STK32B: variants seen among roughly 807,000 people sequenced by gnomAD.
STK32B encodes the protein serine/threonine kinase 32B.
A neutral mutation model predicts 52.6 loss-of-function variants in STK32B; 43 were observed. That is an observed-to-expected ratio of 0.82 (90% CI 0.64 to 1.05). The LOEUF (loss-of-function observed/expected upper bound fraction) is 1.05, where lower values mean the gene tolerates loss of function less well. Among genes scored for constraint, STK32B ranks in the 50% least tolerant of loss-of-function variants. STK32B has a pLI of 0.00. For missense variants in STK32B, 621 were observed against 534.6 expected (o/e 1.16, Z -1.59); for synonymous variants, 238 against 204.3 (o/e 1.17, Z -1.41).
chr4:5,263,347 G>A (rs1726852651), intron 3 of STK32B, among the ~76,000 whole-genome samples: 1 of 151,350 alleles, frequency 6.6e-6, no homozygotes, highest in African/African-American at 2.4e-5. Context: ...CTGATGATAA[G>A]ATCACATTCT....
chr4:5,223,357 C>A (rs1464571834), intron 3 of STK32B, among the ~76,000 whole-genome samples: 1 of 152,142 alleles, frequency 6.6e-6, no homozygotes, highest in Non-Finnish European at 1.5e-5. Flanking sequence ...AGGCAGGTCT[C>A]CCCTGAAGCC....
At chr4:5,248,505 A>G (rs1055137106) in intron 3 of STK32B, among the ~76,000 whole-genome samples, 10 of 152,228 alleles carry the variant, frequency 6.6e-5, no homozygotes, top group African/African-American at 1.4e-4. Flanking sequence ...GTACTGGTCA[A>G]TTTAACTCCT....
At chr4:5,361,598 G>A (rs1469122847) in intron 4 of STK32B, among the ~76,000 whole-genome samples, 1 of 152,220 alleles carries the variant, frequency 6.6e-6, no homozygotes, top group African/African-American at 2.4e-5. Flanking sequence ...CTCCTGGGCT[G>A]AAGTGATCCT....
At chr4:5,046,361 TAACTC>T in the STK32B span, among the ~76,000 whole-genome samples, 1 of 152,038 alleles carries the variant, frequency 6.6e-6, no homozygotes. Context: ...ATACAAAAAT[TAACTC>T]AAGATGGATT....
At chr4:5,141,461 T>C (rs1269603319) in intron 2 of STK32B, among the ~76,000 whole-genome samples, 6 of 152,140 alleles carry the variant, frequency 3.9e-5, no homozygotes, top group Non-Finnish European at 8.8e-5. Context: ...GCCCAGGTCT[T>C]AGAGGACTTC....
chr4:5,142,451 C>G (rs1253372631), intron 2 of STK32B, among the ~76,000 whole-genome samples: 1 of 152,228 alleles, frequency 6.6e-6, no homozygotes, highest in East Asian at 1.9e-4. Context: ...ACAATCCAGA[C>G]TTCACTGTAG....
chr4:5,140,038 C>T, intron 2 of STK32B, 78 bp downstream of exon 2: 1 of 1,564,352 alleles, frequency 6.4e-7, no homozygotes, highest in Non-Finnish European at 8.8e-7. Context: ...TTGCTGGGCA[C>T]TGGGAATGTT....
At chr4:5,102,943 CCCTCCTCTCCTTTTTGCCCCTTTCCTTT>C (rs1307754227) in intron 1 of STK32B, among the ~76,000 whole-genome samples, 25 of 123,004 alleles carry the variant, frequency 2.0e-4, no homozygotes, top group African/African-American at 7.0e-4. Flanking sequence ...TCCCCCCTCC[CCCTCCTCTCCTTTTTGCCCCTTTCCTTT>C]CCTTTTCTTT....
intron 3 of STK32B, among the ~76,000 whole-genome samples, chr4:5,236,136 C>T (rs1724616255): frequency 6.6e-6 from 1 of 152,128 alleles, no homozygotes; most frequent in African/African-American, 2.4e-5. Flanking sequence ...GGTAGCATAG[C>T]TTGCACGGGG....
rs2301859 is a variant in STK32B at position 5,398,327 on chromosome 4, T to A, written c.472+83T>A. 7.6e-3 allele frequency: 11,098 copies of A among 1,464,980 alleles called. 377 individuals carry two copies. In the East Asian group the frequency reaches 0.09, roughly 12 times the overall value. The allele number at this position is 1,464,980 out of a possible 1,614,324, so 90.7% of individuals were successfully genotyped here. On this transcript the variant is annotated intron_variant, in intron 5 of 11. Transcript: ENST00000282908. This position sits in a 1 kb window ranked among gnomAD's most constrained non-coding sequence, Gnocchi z 4.9. ...AAATAGTGCGGGGGTGGGGGTTGGG[T>A]CTTGCTGAGTTGGACATTAGCATTG...
chr4:5,382,442 A>G (rs981335739), intron 4 of STK32B, among the ~76,000 whole-genome samples: 1 of 152,118 alleles, frequency 6.6e-6, no homozygotes, highest in Admixed American at 6.5e-5. Flanking sequence ...CCTTGGGGTC[A>G]TCTGCATTCC....
intron 3 of STK32B, among the ~76,000 whole-genome samples, chr4:5,299,979 A>G (rs1729449531): frequency 6.6e-6 from 1 of 152,096 alleles, no homozygotes; most frequent in Admixed American, 6.5e-5. Flanking sequence ...CAGCAAAGAT[A>G]TAACAAAAAA....
chr4:5,452,821 A>G (rs992901377), intron 7 of STK32B, among the ~76,000 whole-genome samples: 3 of 152,126 alleles, frequency 2.0e-5, no homozygotes, highest in African/African-American at 7.2e-5. Context: ...AGACATACCC[A>G]CACTCCATAA....
chr4:5,336,810 G>T (rs1732732287), intron 4 of STK32B, among the ~76,000 whole-genome samples: 1 of 152,130 alleles, frequency 6.6e-6, no homozygotes, highest in Non-Finnish European at 1.5e-5. Context: ...CAATCTCCCA[G>T]ACCTGAAATA....
At position 5,480,578 on chromosome 4, in the gene STK32B, C is replaced by A. The variant is rs529209341; in HGVS notation, c.1106+12508C>A. Among the ~76,000 whole-genome samples the A allele has an allele frequency of 3.3e-5, 5 of 151,776 alleles. No individual in the cohort carries two copies. In the South Asian group the frequency reaches 1.0e-3, roughly 32 times the overall value. On this transcript the variant is annotated intron_variant, in intron 11 of 11. Transcript: ENST00000282908. ...TTAAGATAAAGGATTGTGGAGACCA[C>A]GTTTTTTTTTTCTTTCATTATACTT...
chr4:5,250,344 G>A (rs55670147), intron 3 of STK32B, among the ~76,000 whole-genome samples: 11,937 of 131,052 alleles, frequency 0.091, 752 homozygotes, highest in African/African-American at 0.2. Flanking sequence ...ACAGAATCTC[G>A]CTCTGTCACC....
intron 1 of STK32B, among the ~76,000 whole-genome samples, chr4:5,078,307 A>G (rs555365550): frequency 1.3e-5 from 2 of 152,298 alleles, no homozygotes; most frequent in African/African-American, 4.8e-5. Context: ...ACTCTCTAGA[A>G]CTTTGTCAAA....
At chr4:5,080,707 A>G (rs1052204273) in intron 1 of STK32B, among the ~76,000 whole-genome samples, 2 of 152,202 alleles carry the variant, frequency 1.3e-5, no homozygotes, top group Non-Finnish European at 2.9e-5. Context: ...TGATATTTCA[A>G]TATACATACA....
chr4:5,471,909 T>G (rs962070656), intron 11 of STK32B, among the ~76,000 whole-genome samples: 27 of 152,346 alleles, frequency 1.8e-4, no homozygotes, highest in African/African-American at 6.5e-4. Context: ...ATACATGGTT[T>G]TAGCAAAAGC....
Sources: gnomAD v4.1 joint callset for allele counts (sites outside exome capture counted in the v4.1 genomes callset) on GRCh38, gnomAD v4.1.1 for gene constraint, Gnocchi (gnomAD v3.1) non-coding constraint, MANE v1.5 for transcripts, NCBI Gene and HGNC (gene_info 2026-07-23, HGNC 2026-07-21) for gene names.